UPRT: variants seen among roughly 807,000 people sequenced by gnomAD.
The protein encoded by UPRT is RP11-311P8.3.
Under a neutral mutation model 22.6 loss-of-function variants are expected in UPRT, and 5 were observed. The observed-to-expected ratio is 0.22, with a 90% CI of 0.12 to 0.47. The LOEUF is 0.47. UPRT is among the 20% of genes least tolerant of loss of function. The probability of loss-of-function intolerance (pLI) is 0.99; values close to 1 mark genes in which losing one functional copy is unlikely to be tolerated. For missense variants in UPRT, 181 were observed against 239.9 expected, an observed-to-expected ratio of 0.75 and a Z score of 1.62; for synonymous variants, 77 against 87.7, an observed-to-expected ratio of 0.88 and a Z score of 0.68.
chrX:75,252,306 C>G (rs143790463), intron 4 of UPRT, among the ~76,000 whole-genome samples: 1,938 of 111,195 alleles, frequency 0.017, 54 homozygotes, highest in African/African-American at 0.06. Context: ...TTTTTGCAAC[C>G]TACTCATCTG....
At position 75,293,520 on chromosome X, in the gene UPRT, TG is replaced by T; in HGVS notation, c.429+11del. The T allele has an allele frequency of 1.7e-6, 2 of 1,194,353 alleles. No individual in the cohort carries two copies. Among genetic ancestry groups the T allele is most frequent in the Admixed American group, 2.3e-5 (1 of 42,602 alleles). ...TGTTTTCTGCGGATCGTTTGGTAGGTGGGGGCTTTTCATTTTCATTTCATTG... is the reference window on the plus strand; with the variant it reads ...TGTTTTCTGCGGATCGTTTGGTAGGTGGGGCTTTTCATTTTCATTTCATTG... On this transcript the variant is annotated splice_region_variant and intron_variant, in intron 2 of 6. Transcript: ENST00000373383.
intron 4 of UPRT, among the ~76,000 whole-genome samples, chrX:75,264,422 A>G (rs182490945): frequency 8.9e-6 from 1 of 111,774 alleles, no homozygotes; most frequent in African/African-American, 3.3e-5. Context: ...TTGGGTGCAT[A>G]TATAGTTAGG....
chrX:75,256,635 G>GA (rs1255774433), intron 4 of UPRT, among the ~76,000 whole-genome samples: 8 of 108,572 alleles, frequency 7.4e-5, no homozygotes, highest in Non-Finnish European at 7.7e-5. Context: ...GATTAGCCAA[G>GA]AAAAAAAAAG....
chrX:75,191,135 G>A (rs1172381884), intron 4 of UPRT, among the ~76,000 whole-genome samples: 7 of 111,562 alleles, frequency 6.3e-5, no homozygotes, highest in African/African-American at 9.8e-5. Context: ...TTTGATGATG[G>A]CGACGTACAG....
chrX:75,157,459 G>C (rs2082185458), intron 1 of UPRT, among the ~76,000 whole-genome samples: 1 of 112,211 alleles, frequency 8.9e-6, no homozygotes, highest in African/African-American at 3.2e-5. Flanking sequence ...AAGCAAGAAG[G>C]CATAAGAAAA....
At chrX:75,171,085 T>C (rs1180074172) in intron 4 of UPRT, among the ~76,000 whole-genome samples, 4 of 111,304 alleles carry the variant, frequency 3.6e-5, no homozygotes, top group Admixed American at 2.9e-4. Flanking sequence ...TTCCCAGGTG[T>C]TCTTTGAGCT....
chrX:75,170,288 TG>T (rs1366689595), intron 4 of UPRT, among the ~76,000 whole-genome samples: 1 of 111,413 alleles, frequency 9.0e-6, no homozygotes, highest in Admixed American at 9.5e-5. Context: ...CCACCCGCCT[TG>T]GCCTCCCAAA....
At chrX:75,277,568 T>C (rs1449687300) in intron 1 of UPRT, among the ~76,000 whole-genome samples, 2 of 111,243 alleles carry the variant, frequency 1.8e-5, no homozygotes, top group Non-Finnish European at 3.8e-5. Context: ...CAAGATACTG[T>C]TCATGAATAT....
At chrX:75,197,202 A>G (rs1346483409) in intron 4 of UPRT, among the ~76,000 whole-genome samples, 1 of 112,002 alleles carries the variant, frequency 8.9e-6, no homozygotes, top group Non-Finnish European at 1.9e-5. Context: ...CAAATTTACA[A>G]TACTTAATCA....
intron 4 of UPRT, among the ~76,000 whole-genome samples, chrX:75,237,048 A>G (rs1602466976): frequency 8.9e-6 from 1 of 112,233 alleles, no homozygotes; most frequent in South Asian, 3.7e-4. Context: ...CAACCTACTC[A>G]TCTGACAAAG....
At chrX:75,259,022 A>C (rs1308481994) in intron 4 of UPRT, among the ~76,000 whole-genome samples, 1 of 112,031 alleles carries the variant, frequency 8.9e-6, no homozygotes, top group East Asian at 2.8e-4. Flanking sequence ...GACCTGCATC[A>C]GAGGGACCTG....
intron 1 of UPRT, among the ~76,000 whole-genome samples, chrX:75,160,155 T>C (rs1299853272): frequency 8.9e-6 from 1 of 111,869 alleles, no homozygotes. Flanking sequence ...GTGGATTTAT[T>C]TCTGTTTTAT....
intron 1 of UPRT, among the ~76,000 whole-genome samples, chrX:75,292,474 T>C (rs2082711849): frequency 8.9e-6 from 1 of 111,997 alleles, no homozygotes; most frequent in Admixed American, 9.5e-5. Context: ...AGAAACCTAA[T>C]GCCATTTGTG....
intron 4 of UPRT, among the ~76,000 whole-genome samples, chrX:75,237,781 C>T (rs2147649469): frequency 1.2e-5 from 1 of 80,350 alleles, no homozygotes; most frequent in African/African-American, 5.1e-5. Flanking sequence ...GGGAACATCA[C>T]ACTCTGGGGA....
intron 4 of UPRT, among the ~76,000 whole-genome samples, chrX:75,187,660 C>A (rs2082298791): frequency 8.9e-6 from 1 of 112,146 alleles, no homozygotes; most frequent in African/African-American, 3.2e-5. Context: ...TCAGGTACAC[C>A]AATCAGATGT....
intron 4 of UPRT, among the ~76,000 whole-genome samples, chrX:75,198,431 T>G (rs1219420391): frequency 8.9e-6 from 1 of 112,257 alleles, no homozygotes. Context: ...CTTTAAAATA[T>G]CTATGAAAGT....
intron 4 of UPRT, among the ~76,000 whole-genome samples, chrX:75,255,784 T>C (rs2082547711): frequency 8.9e-6 from 1 of 111,913 alleles, no homozygotes; most frequent in Admixed American, 9.5e-5. Context: ...TATATAATGG[T>C]AAAAGGCCTT....
intron 4 of UPRT, among the ~76,000 whole-genome samples, chrX:75,177,826 A>G (rs1260823674): frequency 2.7e-5 from 3 of 112,054 alleles, no homozygotes; most frequent in Non-Finnish European, 5.6e-5. Flanking sequence ...AAGGTAACAG[A>G]GTCCTGGAGT....
At chrX:75,239,460 A>T (rs928305944) in intron 4 of UPRT, among the ~76,000 whole-genome samples, 4 of 111,430 alleles carry the variant, frequency 3.6e-5, no homozygotes, top group African/African-American at 1.3e-4. Flanking sequence ...GTAATAAAAA[A>T]AATTGCCAAC....
Sources: allele counts gnomAD v4.1 joint callset (sites outside exome capture counted in the v4.1 genomes callset), GRCh38; gene constraint gnomAD v4.1.1; transcripts MANE v1.5; gene names NCBI Gene and HGNC (gene_info 2026-07-23, HGNC 2026-07-21).